PRRC2C: variants seen among roughly 807,000 people sequenced by gnomAD.
The protein encoded by PRRC2C is protein PRRC2C.
PRRC2C carries 72 observed loss-of-function variants against 317.2 expected under a neutral mutation model. The observed-to-expected ratio is 0.23, with a 90% confidence interval of 0.19 to 0.28. The LOEUF (loss-of-function observed/expected upper bound fraction) is 0.28. Among genes scored for constraint, PRRC2C ranks in the 10% least tolerant of loss-of-function variants. The pLI is 1.00. For missense variants in PRRC2C, 3,074 were observed against 3,459.7 expected (o/e 0.89, Z 2.80); for synonymous variants, 1,296 against 1,205.9 (o/e 1.07, Z -1.55).
At chr1:171,583,921 C>T (rs767211368) in intron 28 of PRRC2C, 35 bp from the exon 29 acceptor site, 1 of 1,546,502 alleles carries the variant, frequency 6.5e-7, no homozygotes, top group Non-Finnish European at 8.9e-7. Flanking sequence ...ATGAAATTAA[C>T]TTCTAACAAT....
rs773003639 is a variant in PRRC2C, at chr1:171,566,250, A to G, written c.6135A>G (p.Gln2045=). The G allele has an allele frequency of 1.2e-6, 2 of 1,610,764 alleles. No individual in the cohort carries two copies. Among genetic ancestry groups the G allele is most frequent in the East Asian group, 4.5e-5 (2 of 44,816 alleles). ...TTTACTAGGGAGCGAAGAATGGTCA[A>G]GAAAGTGGACTCGAAATTGGAACTG... ...APSSEGAKNG[Q]ESGLEIGTDT... Residue 2045 remains glutamine (Q), a synonymous_variant, in exon 21 of 35, where the codon CAA becomes CAG. Coordinates refer to ENST00000647382, the MANE Select transcript of PRRC2C (RefSeq NM_001387844.1).
rs1679254272 is a variant in PRRC2C, at chr1:171,547,109, AAAC to A, written c.4972+1425_4972+1427del. ...ATGGTGGTGCATGCCTGTAAAAACAAAACAAAACAAAAAAGACAGTAAAAACAG... is the reference window on the plus strand; with the variant it reads ...ATGGTGGTGCATGCCTGTAAAAACAAAAAACAAAAAAGACAGTAAAAACAG... On this transcript the variant is annotated intron_variant, in intron 17 of 34. Coordinates refer to ENST00000647382, the MANE Select transcript of PRRC2C (RefSeq NM_001387844.1). Among the ~76,000 whole-genome samples, 3 of 152,084 alleles carry A rather than the reference AAAC, an allele frequency of 2.0e-5. No homozygotes were observed. In the South Asian group the frequency reaches 6.2e-4, roughly 31 times the overall value.
chr1:171,534,679 G>A (rs967261258), intron 12 of PRRC2C, among the ~76,000 whole-genome samples: 4 of 151,794 alleles, frequency 2.6e-5, no homozygotes, highest in African/African-American at 9.7e-5. Context: ...TCTCACCTCA[G>A]CCTCCTGAGT....
intron 19 of PRRC2C, among the ~76,000 whole-genome samples, chr1:171,558,975 C>G (rs185131736): frequency 6.6e-6 from 1 of 152,314 alleles, no homozygotes; most frequent in African/African-American, 2.4e-5. Flanking sequence ...GTCTGGATAG[C>G]AGGTCAATCC....
At chr1:171,534,254 T>G (rs1676403141) in intron 12 of PRRC2C, among the ~76,000 whole-genome samples, 1 of 152,136 alleles carries the variant, frequency 6.6e-6, no homozygotes, top group African/African-American at 2.4e-5. Context: ...TAGAGAGACT[T>G]TGCTATTGAA....
intron 24 of PRRC2C, among the ~76,000 whole-genome samples, chr1:171,573,541 G>T (rs1277073645): frequency 2.0e-5 from 3 of 151,858 alleles, no homozygotes; most frequent in Admixed American, 6.6e-5. Flanking sequence ...AAAGATTTCA[G>T]ATTTTTCTCA....
At chr1:171,567,913 G>A (rs760985599) in intron 22 of PRRC2C, among the ~76,000 whole-genome samples, 4 of 152,202 alleles carry the variant, frequency 2.6e-5, no homozygotes, top group Admixed American at 6.5e-5. Flanking sequence ...TTGGCCAGGC[G>A]TGGTGGCTCA....
chr1:171,543,829 G>A (rs577733619), intron 16 of PRRC2C, among the ~76,000 whole-genome samples: 7 of 152,224 alleles, frequency 4.6e-5, no homozygotes, highest in African/African-American at 1.4e-4. Context: ...TTGAGGGGGC[G>A]ACATCTCATG....
chr1:171,557,983 A>G lies in PRRC2C; in HGVS notation c.5871A>G (p.Pro1957=). 1 of 1,613,402 alleles carries G rather than the reference A, an allele frequency of 6.2e-7. No homozygotes were observed. Among genetic ancestry groups the G allele is most frequent in the Non-Finnish European group, 8.5e-7 (1 of 1,179,798 alleles). Residue 1957 remains proline (P), a synonymous_variant, in exon 19 of 35, where the codon CCA becomes CCG. Coordinates refer to ENST00000647382, the MANE Select transcript of PRRC2C (RefSeq NM_001387844.1). ...QTTSQSSKQP[P]PSIRLPSAQT... ...CATCTCAGTCTTCAAAACAACCACC[A>G]CCATCAATTAGGCTGCCTTCAGCTC...
At chr1:171,575,356 T>G (rs1397037079) in intron 25 of PRRC2C, among the ~76,000 whole-genome samples, 2 of 152,200 alleles carry the variant, frequency 1.3e-5, no homozygotes, top group East Asian at 3.8e-4. Flanking sequence ...ACCTTTTGAT[T>G]GTCATTTTTT....
intron 28 of PRRC2C, among the ~76,000 whole-genome samples, chr1:171,580,295 C>T (rs1648230448): frequency 6.6e-6 from 1 of 152,150 alleles, no homozygotes; most frequent in Non-Finnish European, 1.5e-5. Context: ...ATCTGAATCT[C>T]CTCTATGTAC....
In PRRC2C at chr1:171,514,764, C is replaced by T. The variant is rs1672025628; in HGVS notation, c.400+119C>T. On this transcript the variant is annotated intron_variant, in intron 4 of 34. Coordinates refer to ENST00000647382, the MANE Select transcript of PRRC2C (RefSeq NM_001387844.1). ...ATAAAGCATTGTTAAAGGATATACT[C>T]AAGGCTCTTAAAAAGGTTTTTTAAA... 4.7e-6 allele frequency: 4 copies of T among 857,528 alleles called. 1 individual carries two copies. The highest frequency in any genetic ancestry group is 3.9e-5 in the South Asian group (2 of 51,630). 53.1% of individuals were successfully genotyped at this position (857,528 alleles called of 1,614,324 possible).
chr1:171,490,713 T>TCACA (rs2102024658), intron 1 of PRRC2C, among the ~76,000 whole-genome samples: 1 of 152,298 alleles, frequency 6.6e-6, no homozygotes, highest in South Asian at 2.1e-4. Flanking sequence ...ATGTGACAAG[T>TCACA]AGTCTTTGGA....
chr1:171,559,139 C>T (rs1455151905), intron 19 of PRRC2C, among the ~76,000 whole-genome samples: 1 of 152,196 alleles, frequency 6.6e-6, no homozygotes, highest in Non-Finnish European at 1.5e-5. Flanking sequence ...GCAACCACCT[C>T]TATCACATTA....
intron 23 of PRRC2C, 69 bp downstream of exon 23, chr1:171,568,408 T>C: frequency 1.3e-6 from 2 of 1,530,912 alleles, no homozygotes; most frequent in Non-Finnish European, 1.8e-6. Context: ...GCACATTATT[T>C]CATGTTTTAT....
intron 16 of PRRC2C, among the ~76,000 whole-genome samples, chr1:171,545,015 A>G (rs1678796114): frequency 6.6e-6 from 1 of 152,232 alleles, no homozygotes; most frequent in Admixed American, 6.5e-5. Context: ...TTAAATAATT[A>G]TATCAATGTG....
intron 23 of PRRC2C, among the ~76,000 whole-genome samples, chr1:171,569,575 A>AATATATATATATATATATATATATAT (rs60832207): frequency 0.022 from 1,289 of 59,268 alleles, 69 homozygotes; most frequent in East Asian, 0.043. Flanking sequence ...AAGTGGTTTA[A>AATATATATATATATATATATATATAT]ATATATATAT....
At chr1:171,568,371 G>GACCACC in intron 23 of PRRC2C, 32 bp downstream of exon 23, 1 of 1,569,608 alleles carries the variant, frequency 6.4e-7, no homozygotes. Context: ...TGGCAAGTTT[G>GACCACC]GATTGGAACC....
chr1:171,545,656 T>C lies in PRRC2C; in HGVS notation c.4941T>C (p.Ala1647=), dbSNP rs372929383. 1.7e-5 allele frequency: 27 copies of C among 1,609,778 alleles called. No homozygotes were observed. The highest frequency in any genetic ancestry group is 3.3e-5 in the Admixed American group (2 of 59,748). ...AAAAACCAAAAGAGAAAGTGGATGC[T>C]CTATCACAGTTTGATCTCAACAATT... ...GPKKPKEKVD[A]LSQFDLNNYA... The change falls in exon 17 of 35, where the codon GCT becomes GCC. Residue 1647 remains alanine (A), a synonymous_variant. Transcript: ENST00000647382.
Sources: allele counts gnomAD v4.1 joint callset (sites outside exome capture counted in the v4.1 genomes callset), GRCh38; gene constraint gnomAD v4.1.1; transcripts MANE v1.5; gene names NCBI Gene and HGNC (gene_info 2026-07-23, HGNC 2026-07-21).